Variants in ADAMTS20 observed in about 807,000 individuals in gnomAD.
The protein encoded by ADAMTS20 is ADAM metallopeptidase with thrombospondin type 1 motif 20, also known as A disintegrin and metalloproteinase with thrombospondin motifs 20.
A neutral mutation model predicts 260.1 loss-of-function variants in ADAMTS20; 225 were observed. The ratio of observed to expected loss-of-function variants is 0.87; its 90% CI spans 0.78 to 0.97. The LOEUF (loss-of-function observed/expected upper bound fraction) is 0.97, where lower values mean the gene tolerates loss of function less well. Ranked by LOEUF, ADAMTS20 falls within the 50% of genes least tolerant of loss-of-function variation. The probability of loss-of-function intolerance (pLI) is 0.00; values close to 1 mark genes in which losing one functional copy is unlikely to be tolerated. For synonymous variants in ADAMTS20, 802 were observed against 769.5 expected (o/e 1.04, Z -0.70); for missense variants, 2,400 against 2,337.7 (o/e 1.03, Z -0.55).
Position 43,354,054 on chromosome 12 carries a change from A to C in ADAMTS20, c.*155T>G. 2 of 494,110 alleles carry C rather than the reference A, an allele frequency of 4.0e-6. No individual in the cohort carries two copies. Among genetic ancestry groups the C allele is most frequent in the Non-Finnish European group, 7.2e-6 (2 of 279,268 alleles). 30.6% of individuals were successfully genotyped at this position (494,110 alleles called of 1,614,324 possible). On this transcript the variant is annotated 3_prime_UTR_variant, in exon 39 of 39. Coordinates refer to ENST00000389420, the MANE Select transcript of ADAMTS20 (RefSeq NM_025003.5). Reference sequence around the variant, plus strand: ...ATTTCTTTTATAGACCTTATTAAGCAGTGATTTGAATCCCTGATGAGCACC... The same window carrying C: ...ATTTCTTTTATAGACCTTATTAAGCCGTGATTTGAATCCCTGATGAGCACC...
At chr12:43,500,111 C>G (rs1277775491) in intron 4 of ADAMTS20, among the ~76,000 whole-genome samples, 1 of 151,798 alleles carries the variant, frequency 6.6e-6, no homozygotes, top group East Asian at 1.9e-4. Context: ...TCACTGCAAC[C>G]TCCATCTCCT....
chr12:43,364,120 T>G (rs761297490), intron 37 of ADAMTS20, among the ~76,000 whole-genome samples: 2 of 152,000 alleles, frequency 1.3e-5, no homozygotes, highest in Non-Finnish European at 2.9e-5. Flanking sequence ...CTGTGCCCAC[T>G]GAGGAGTAAC....
At chr12:43,482,198 GT>G in intron 7 of ADAMTS20, among the ~76,000 whole-genome samples, 1 of 152,290 alleles carries the variant, frequency 6.6e-6, no homozygotes, top group Non-Finnish European at 1.5e-5. Flanking sequence ...GTGGTCACAG[GT>G]TGAGAGAAGC....
chr12:43,548,055 G>C (rs1253829735), intron 2 of ADAMTS20, among the ~76,000 whole-genome samples: 1 of 152,058 alleles, frequency 6.6e-6, no homozygotes, highest in Non-Finnish European at 1.5e-5. Flanking sequence ...ATGAATTCTT[G>C]AATCCACCAA....
chr12:43,366,860 A>G (rs1408077761), intron 37 of ADAMTS20, among the ~76,000 whole-genome samples: 1 of 151,990 alleles, frequency 6.6e-6, no homozygotes, highest in Non-Finnish European at 1.5e-5. Context: ...TCTCAAATCA[A>G]TAATCTACCC....
chr12:43,453,389 CTTTTAAATAG>C (rs1190178141), intron 12 of ADAMTS20, among the ~76,000 whole-genome samples: 1 of 152,136 alleles, frequency 6.6e-6, no homozygotes, highest in East Asian at 1.9e-4. Context: ...TATCTAAGCC[CTTTTAAATAG>C]TTTGATGAGG....
chr12:43,425,053 C>T (rs145083599), intron 28 of ADAMTS20, among the ~76,000 whole-genome samples: 18 of 152,212 alleles, frequency 1.2e-4, no homozygotes, highest in African/African-American at 4.1e-4. Context: ...TCATACCATA[C>T]ATAGCACAGA....
chr12:43,399,272 CT>C, intron 28 of ADAMTS20, 39 bp from the exon 29 acceptor site: 1 of 1,392,298 alleles, frequency 7.2e-7, no homozygotes, highest in Non-Finnish European at 9.4e-7. Context: ...TCATTTTCTT[CT>C]TGATTAATTT....
At chr12:43,461,845 A>G (rs1456767103) in intron 11 of ADAMTS20, among the ~76,000 whole-genome samples, 1 of 152,196 alleles carries the variant, frequency 6.6e-6, no homozygotes, top group Non-Finnish European at 1.5e-5. Context: ...TAAAGATTGA[A>G]TTTTAAAATT....
At chr12:43,407,464 ATATT>A (rs901424470) in intron 28 of ADAMTS20, among the ~76,000 whole-genome samples, 45 of 151,602 alleles carry the variant, frequency 3.0e-4, no homozygotes, top group African/African-American at 1.0e-3. Context: ...ATTGGAAGTA[ATATT>A]TAAAGATAAT....
chr12:43,527,937 G>T (rs2137495712), intron 3 of ADAMTS20, among the ~76,000 whole-genome samples: 1 of 151,950 alleles, frequency 6.6e-6, no homozygotes, highest in Admixed American at 6.6e-5. Flanking sequence ...ACCTAGAAAA[G>T]ACTAAACAGT....
chr12:43,495,953 A>C (rs549083939), intron 4 of ADAMTS20, among the ~76,000 whole-genome samples: 5 of 152,250 alleles, frequency 3.3e-5, no homozygotes, highest in Non-Finnish European at 5.9e-5. Context: ...TTAGATGTTT[A>C]AAGGTGATGT....
In ADAMTS20 at chr12:43,519,989, A is replaced by G. The variant is rs148926791; in HGVS notation, c.613+12047T>C. Among the ~76,000 whole-genome samples, 5 of 152,304 alleles carry G rather than the reference A, an allele frequency of 3.3e-5. No individual in the cohort carries two copies. In the East Asian group the frequency reaches 9.7e-4, roughly 29 times the overall value. On this transcript the variant is annotated intron_variant, in intron 3 of 38. Transcript: ENST00000389420. ...TAAATGCCATGGCAAAAAAGAAATG[A>G]TTTAACAAAAAACTGGGCAGTTTTG... is the stretch of plus-strand genomic sequence containing the variant.
chr12:43,365,872 C>A (rs188343515), intron 37 of ADAMTS20, among the ~76,000 whole-genome samples: 191 of 151,734 alleles, frequency 1.3e-3, no homozygotes, highest in African/African-American at 4.4e-3. Flanking sequence ...CTTTGAATAA[C>A]CACTAACAAA....
At chr12:43,394,017 A>G (rs1940649883) in intron 29 of ADAMTS20, among the ~76,000 whole-genome samples, 1 of 152,076 alleles carries the variant, frequency 6.6e-6, no homozygotes, top group Non-Finnish European at 1.5e-5. Flanking sequence ...TTAAATGTAG[A>G]ACAAATACAT....
chr12:43,546,424 G>C (rs185904422), intron 2 of ADAMTS20, among the ~76,000 whole-genome samples: 1 of 152,068 alleles, frequency 6.6e-6, no homozygotes, highest in Non-Finnish European at 1.5e-5. Flanking sequence ...AACTGTCTAG[G>C]CAGTTGAGTT....
At chr12:43,447,132 C>T (rs1262153391) in intron 14 of ADAMTS20, among the ~76,000 whole-genome samples, 5 of 151,968 alleles carry the variant, frequency 3.3e-5, no homozygotes, top group African/African-American at 1.2e-4. Flanking sequence ...CTCCCTAACT[C>T]CTTCTATGAG....
At chr12:43,395,677 C>CTTTTTTTTTTTTTTTTTTTTTTTTTTTTT (rs5797860) in intron 29 of ADAMTS20, among the ~76,000 whole-genome samples, 1 of 90,830 alleles carries the variant, frequency 1.1e-5, no homozygotes, top group Non-Finnish European at 2.1e-5. Flanking sequence ...GTGTGAGATT[C>CTTTTTTTTTTTTTTTTTTTTTTTTTTTTT]TTTTTTTTTT....
intron 22 of ADAMTS20, 91 bp from the exon 23 acceptor site, chr12:43,430,562 AC>A: frequency 8.5e-7 from 1 of 1,180,448 alleles, no homozygotes; most frequent in Non-Finnish European, 1.1e-6. Flanking sequence ...TTAATAATAT[AC>A]TTTTAATAAT....
Sources: gnomAD v4.1 joint callset for allele counts (sites outside exome capture counted in the v4.1 genomes callset) on GRCh38, gnomAD v4.1.1 for gene constraint, MANE v1.5 for transcripts, NCBI Gene and HGNC (gene_info 2026-07-23, HGNC 2026-07-21) for gene names.